Variants in IARS1 observed in about 807,000 individuals in gnomAD.
IARS1 encodes the protein isoleucine--tRNA ligase, cytoplasmic.
Under a neutral mutation model 168.2 loss-of-function variants are expected in IARS1, and 124 were observed. That is an observed-to-expected ratio of 0.74 (90% confidence interval 0.64 to 0.86). The LOEUF (loss-of-function observed/expected upper bound fraction) is 0.86. Among genes scored for constraint, IARS1 ranks in the 40% least tolerant of loss-of-function variants. The pLI is 0.00. For missense variants in IARS1, 1,452 were observed against 1,515.8 expected (o/e 0.96, Z 0.70); for synonymous variants, 532 against 529.4 (o/e 1.00, Z -0.07).
rs80261647 is a variant in IARS1 at position 92,225,134 on chromosome 9, T to C, written c.3410-1645A>G. Among the ~76,000 whole-genome samples, 304 of 152,336 alleles carry C rather than the reference T, an allele frequency of 2.0e-3. 2 individuals are homozygous for C. Among genetic ancestry groups the C allele is most frequent in the African/African-American group, 6.9e-3 (287 of 41,580 alleles). ...GCTTGGTTGTACTGCACTGTTTCCA[T>C]TATGGGAAAAGGCAGTGCTTTGGTC... On this transcript the variant is annotated intron_variant, in intron 31 of 33. Coordinates refer to ENST00000443024, the MANE Select transcript of IARS1 (RefSeq NM_002161.6).
intron 15 of IARS1, 125 bp from the exon 16 acceptor site, chr9:92,265,248 C>G: frequency 1.1e-6 from 1 of 917,882 alleles, no homozygotes; most frequent in Non-Finnish European, 1.6e-6. Context: ...GAAATATCAG[C>G]AATTCTCAAA....
rs776904169 is a variant in IARS1 at position 92,288,220 on chromosome 9, G to T, written c.182C>A (p.Ala61Glu). The change falls in exon 3 of 34, where the codon GCG becomes GAG. Residue 61 changes from alanine to glutamate, a missense_variant. Coordinates refer to ENST00000443024, the MANE Select transcript of IARS1 (RefSeq NM_002161.6). ...TGTAACTATATCTTTAATTGTACCC[G>T]CAAGTATATGTCCATAGTGAGGCAG... ...TGLPHYGHIL[A>E]GTIKDIVTRY... 14 of 1,613,722 alleles carry T rather than the reference G, an allele frequency of 8.7e-6. No homozygotes were observed. Among genetic ancestry groups the T allele is most frequent in the Non-Finnish European group, 1.2e-5 (14 of 1,179,726 alleles).
chr9:92,285,952 A>G (rs1271081893), intron 5 of IARS1, 113 bp from the exon 6 acceptor site: 1 of 648,294 alleles, frequency 1.5e-6, no homozygotes, highest in African/African-American at 1.8e-5. Flanking sequence ...TGAAAAAACA[A>G]TGTCTTTCAT....
intron 18 of IARS1, among the ~76,000 whole-genome samples, chr9:92,259,684 GT>G (rs1554727757): frequency 2.0e-5 from 3 of 152,124 alleles, no homozygotes; most frequent in Non-Finnish European, 4.4e-5. Flanking sequence ...ACACTGTGTG[GT>G]TTCATGATTA....
intron 33 of IARS1, among the ~76,000 whole-genome samples, chr9:92,217,246 C>T (rs992447791): frequency 1.3e-5 from 2 of 151,484 alleles, no homozygotes; most frequent in African/African-American, 4.9e-5. Flanking sequence ...ACACAACATA[C>T]CAGAATCTCT....
At chr9:92,268,373 G>A (rs192654538) in intron 13 of IARS1, 73 bp from the exon 14 acceptor site, 229 of 1,490,102 alleles carry the variant, frequency 1.5e-4, no homozygotes, top group Non-Finnish European at 1.9e-4. Context: ...ATACCCACAG[G>A]AGCCTTTGTA....
At chr9:92,293,354 A>T (rs763898683) in intron 1 of IARS1, 1 of 359,218 alleles carries the variant, frequency 2.8e-6, no homozygotes, top group Non-Finnish European at 5.9e-6. Flanking sequence ...ATATAAAAAT[A>T]CGTATTGCCT....
chr9:92,243,498 T>C (rs1828749053), intron 27 of IARS1, 187 bp from the exon 28 acceptor site: 1 of 497,488 alleles, frequency 2.0e-6, no homozygotes, highest in Admixed American at 3.4e-5. Context: ...GCTAGTCCTC[T>C]GTCTCTGGAG....
chr9:92,291,780 C>A (rs1227467366), intron 1 of IARS1, among the ~76,000 whole-genome samples: 1 of 152,160 alleles, frequency 6.6e-6, no homozygotes, highest in Non-Finnish European at 1.5e-5. Context: ...CTCTTCAAGG[C>A]TGGTCCTACT....
intron 5 of IARS1, chr9:92,286,094 G>A (rs894584103): frequency 7.8e-5 from 30 of 383,268 alleles, no homozygotes; most frequent in Middle Eastern, 1.5e-3. Context: ...CAGGCTGGGC[G>A]CAGTGGCTCA....
chr9:92,259,540 G>C (rs919541993), intron 18 of IARS1, among the ~76,000 whole-genome samples: 1 of 152,192 alleles, frequency 6.6e-6, no homozygotes, highest in Non-Finnish European at 1.5e-5. Context: ...GTGGAGAATT[G>C]GGGGAGAGCC....
intron 30 of IARS1, among the ~76,000 whole-genome samples, chr9:92,237,569 T>C (rs1187009584): frequency 1.3e-5 from 2 of 152,246 alleles, no homozygotes; most frequent in South Asian, 2.1e-4. Flanking sequence ...TCTCCAACTA[T>C]AGTTGTAGAT....
intron 16 of IARS1, 137 bp from the exon 17 acceptor site, chr9:92,263,192 T>C (rs1322680238): frequency 3.2e-6 from 2 of 628,776 alleles, no homozygotes; most frequent in South Asian, 1.9e-5. Flanking sequence ...TGATTCTTAA[T>C]CCTGGTTACT....
intron 1 of IARS1, among the ~76,000 whole-genome samples, chr9:92,292,181 CTTT>C (rs57075703): frequency 1.2e-3 from 141 of 117,998 alleles, no homozygotes; most frequent in African/African-American, 2.9e-3. Context: ...CCACACTCAG[CTTT>C]TTTTTTTTTT....
At chr9:92,282,262 C>T (rs893413423) in intron 6 of IARS1, among the ~76,000 whole-genome samples, 9 of 151,954 alleles carry the variant, frequency 5.9e-5, no homozygotes, top group Admixed American at 2.6e-4. Context: ...AAGAACTCTC[C>T]GCTTTTCTGT....
intron 26 of IARS1, among the ~76,000 whole-genome samples, chr9:92,245,282 A>G: frequency 6.6e-6 from 1 of 152,236 alleles, no homozygotes; most frequent in East Asian, 1.9e-4. Context: ...AAGACAGTTA[A>G]GTCATCACCA....
chr9:92,243,533 TG>T (rs1828753289), intron 27 of IARS1: 2 of 424,148 alleles, frequency 4.7e-6, no homozygotes, highest in East Asian at 4.5e-5. Flanking sequence ...TTTTGTTTCT[TG>T]TTTTTTTGTA....
chr9:92,223,214 C>G, intron 32 of IARS1, 132 bp downstream of exon 32: 1 of 709,550 alleles, frequency 1.4e-6, no homozygotes, highest in Non-Finnish European at 2.1e-6. Flanking sequence ...TGGTTGCTCC[C>G]CAAAGTTGCG....
At chr9:92,282,848 A>G (rs1006196627) in intron 6 of IARS1, among the ~76,000 whole-genome samples, 1 of 142,090 alleles carries the variant, frequency 7.0e-6, no homozygotes, top group African/African-American at 2.6e-5. Context: ...ACATATATAT[A>G]TATATATATA....
Sources: allele counts gnomAD v4.1 joint callset (sites outside exome capture counted in the v4.1 genomes callset), GRCh38; gene constraint gnomAD v4.1.1; transcripts MANE v1.5; gene names NCBI Gene and HGNC (gene_info 2026-07-23, HGNC 2026-07-21).